Variants in PDHX observed in about 807,000 individuals in gnomAD.
The protein encoded by PDHX is pyruvate dehydrogenase protein X component, mitochondrial.
PDHX carries 33 observed loss-of-function variants against 55.3 expected under a neutral mutation model. The ratio of observed to expected loss-of-function variants is 0.60; its 90% CI spans 0.45 to 0.80. The LOEUF is 0.80. Among genes scored for constraint, PDHX ranks in the 30% least tolerant of loss-of-function variants. The pLI is 0.00. For missense variants in PDHX, 622 were observed against 619.9 expected, an observed-to-expected ratio of 1.00 and a Z score of -0.04; for synonymous variants, 226 against 219.4, an observed-to-expected ratio of 1.03 and a Z score of -0.27.
At chr11:34,947,784 T>C (rs561610852) in intron 3 of PDHX, among the ~76,000 whole-genome samples, 178 bp downstream of exon 3, 4 of 152,370 alleles carry the variant, frequency 2.6e-5, no homozygotes, top group African/African-American at 9.6e-5. Context: ...ATAGCCTATT[T>C]TTCTGTATTT....
In PDHX at chr11:34,931,322, C is replaced by T. The variant is rs187125934; in HGVS notation, c.161-82C>T. On this transcript the variant is annotated intron_variant, in intron 1 of 10. Coordinates refer to ENST00000227868, the MANE Select transcript of PDHX (RefSeq NM_003477.3). ...ACCTTCTTTTTCAAATTGAATTTGA[C>T]GTTAATTTACTTGAACTTATATTGA... 338 of 775,124 alleles carry T rather than the reference C, an allele frequency of 4.4e-4. 4 individuals carry two copies. In the Middle Eastern group the frequency reaches 6.8e-3, roughly 16 times the overall value. The allele number at this position is 775,124 out of a possible 1,614,324, so 48.0% of individuals were successfully genotyped here. A position where few individuals can be genotyped will look rare whatever the true frequency, so the allele number is the denominator to read the frequency against.
chr11:34,952,839 A>G (rs1489938177), intron 3 of PDHX, among the ~76,000 whole-genome samples: 1 of 149,914 alleles, frequency 6.7e-6, no homozygotes, highest in East Asian at 1.9e-4. Context: ...AGTTCTGGCC[A>G]GGGCAATTAG....
chr11:34,931,977 A>G (rs11032933), intron 2 of PDHX, among the ~76,000 whole-genome samples: 28,630 of 151,886 alleles, frequency 0.19, 3,823 homozygotes, highest in African/African-American at 0.39. Context: ...GAAATATAGT[A>G]TTAAGCATTT....
intron 3 of PDHX, among the ~76,000 whole-genome samples, chr11:34,952,381 C>T (rs1318156020): frequency 2.0e-5 from 3 of 151,882 alleles, no homozygotes; most frequent in Non-Finnish European, 4.4e-5. Context: ...GGCAGAGACA[C>T]AACAAAAAAA....
chr11:34,989,517 ACCAAGGCTCTCTAC>A (rs1340929328), intron 9 of PDHX, among the ~76,000 whole-genome samples: 1 of 152,070 alleles, frequency 6.6e-6, no homozygotes, highest in African/African-American at 2.4e-5. Flanking sequence ...CAGCAAAGAA[ACCAAGGCTCTCTAC>A]CTGGTGAGGC....
intron 3 of PDHX, among the ~76,000 whole-genome samples, chr11:34,954,050 C>T (rs976791219): frequency 2.6e-5 from 4 of 152,138 alleles, no homozygotes; most frequent in African/African-American, 4.8e-5. Flanking sequence ...AAACAGTATA[C>T]ATTGAAGAAT....
chr11:34,931,520 G>C (rs757204686), intron 2 of PDHX, 36 bp downstream of exon 2: 1 of 1,084,938 alleles, frequency 9.2e-7, no homozygotes, highest in South Asian at 1.3e-5. Flanking sequence ...TGTGTGCTTT[G>C]TTATTTGGTT....
chr11:34,970,212 C>G lies in PDHX; in HGVS notation c.890C>G (p.Thr297Ser), dbSNP rs777912667. Reference sequence around the variant, plus strand: ...AAGAGATTAACTGAATCTAAAAGTACTGTACCTCATGCATATGCTACTGCT... The same window carrying G: ...AAGAGATTAACTGAATCTAAAAGTAGTGTACCTCATGCATATGCTACTGCT... ...IAKRLTESKS[T>S]VPHAYATADC... The change falls in exon 7 of 11, where the codon ACT (threonine) becomes AGT (serine). Residue 297 changes from threonine (T) to serine (S), a missense_variant. Transcript: ENST00000227868. The G allele has an allele frequency of 1.3e-5, 21 of 1,612,448 alleles. No homozygotes were observed. Among genetic ancestry groups the G allele is most frequent in the Non-Finnish European group, 1.7e-5 (20 of 1,178,476 alleles).
At chr11:34,940,367 G>A (rs919341832) in intron 2 of PDHX, among the ~76,000 whole-genome samples, 4 of 152,128 alleles carry the variant, frequency 2.6e-5, no homozygotes, top group African/African-American at 7.2e-5. Flanking sequence ...CCATTTTGAA[G>A]AAAGCCTTAT....
intron 7 of PDHX, among the ~76,000 whole-genome samples, chr11:34,974,767 G>T (rs1233310550): frequency 6.6e-6 from 1 of 152,120 alleles, no homozygotes; most frequent in East Asian, 1.9e-4. Flanking sequence ...AAACTAGTCG[G>T]GCAGATGGCA....
In PDHX at chr11:34,957,405, A is replaced by G; in HGVS notation, c.364A>G (p.Ile122Val). The change falls in exon 4 of 11, where the codon ATA becomes GTA. Residue 122 changes from isoleucine to valine, a missense_variant. By Grantham distance (29) the Ile-to-Val change is conservative. Coordinates refer to ENST00000227868, the MANE Select transcript of PDHX (RefSeq NM_003477.3). ...ATAGGTTGAAGAAGGAAGTAAAAAT[A>G]TACGGCTAGGTTCACTAATTGGTTT... is the stretch of plus-strand genomic sequence containing the variant. ...KIVVEEGSKN[I>V]RLGSLIGLIV... 1 of 1,610,244 alleles carries G rather than the reference A, an allele frequency of 6.2e-7. No homozygotes were observed. The highest frequency in any genetic ancestry group is 1.3e-5 in the African/African-American group (1 of 74,992).
chr11:34,955,996 GTAAT>G (rs1854899247), intron 3 of PDHX, among the ~76,000 whole-genome samples: 1 of 151,978 alleles, frequency 6.6e-6, no homozygotes, highest in South Asian at 2.1e-4. Context: ...TCACAAGCAG[GTAAT>G]TAAACACTTT....
intron 7 of PDHX, among the ~76,000 whole-genome samples, chr11:34,972,719 T>C (rs1855283639): frequency 6.6e-6 from 1 of 152,162 alleles, no homozygotes; most frequent in Admixed American, 6.5e-5. Flanking sequence ...TTTTATTCAA[T>C]TAAAAATGTT....
At chr11:34,947,695 CCTT>C in intron 3 of PDHX, 89 bp downstream of exon 3, 1 of 880,534 alleles carries the variant, frequency 1.1e-6, no homozygotes, top group Non-Finnish European at 1.9e-6. Flanking sequence ...ATTTTTGCCT[CCTT>C]ATTTTTAATG....
chr11:34,953,404 A>G (rs184071775), intron 3 of PDHX, among the ~76,000 whole-genome samples: 1 of 152,344 alleles, frequency 6.6e-6, no homozygotes, highest in African/African-American at 2.4e-5. Flanking sequence ...AGCCAAAAGA[A>G]CAAAGCTGGA....
At chr11:34,946,692 T>G (rs1854628823) in intron 2 of PDHX, among the ~76,000 whole-genome samples, 1 of 152,220 alleles carries the variant, frequency 6.6e-6, no homozygotes, top group Non-Finnish European at 1.5e-5. Flanking sequence ...GGTTGCTGAT[T>G]AAAATCATAG....
chr11:34,959,645 G>C (rs1252040532), intron 4 of PDHX, among the ~76,000 whole-genome samples: 3 of 151,992 alleles, frequency 2.0e-5, no homozygotes, highest in Non-Finnish European at 4.4e-5. Context: ...GTACATCTAT[G>C]TTCATAGCAA....
At chr11:34,937,245 C>G (rs1321059722) in intron 2 of PDHX, among the ~76,000 whole-genome samples, 4 of 152,064 alleles carry the variant, frequency 2.6e-5, no homozygotes, top group Non-Finnish European at 5.9e-5. Flanking sequence ...AACTCCTAAT[C>G]AATGTGATAA....
chr11:34,953,357 G>A (rs1854824429), intron 3 of PDHX, among the ~76,000 whole-genome samples: 1 of 152,016 alleles, frequency 6.6e-6, no homozygotes, highest in Admixed American at 6.6e-5. Context: ...AGTTCATATG[G>A]AACCAAAAAA....
Sources: allele counts gnomAD v4.1 joint callset (sites outside exome capture counted in the v4.1 genomes callset), GRCh38; gene constraint gnomAD v4.1.1; transcripts MANE v1.5; gene names NCBI Gene and HGNC (gene_info 2026-07-23, HGNC 2026-07-21).